Variants in ZFHX3 observed in about 807,000 individuals in gnomAD.
The protein encoded by ZFHX3 is zinc finger homeobox 3, also known as zinc finger homeobox protein 3.
A neutral mutation model predicts 279.1 loss-of-function variants in ZFHX3; 42 were observed. The observed-to-expected ratio is 0.15, with a 90% CI of 0.12 to 0.19. ZFHX3 has a LOEUF of 0.19. Ranked by LOEUF, ZFHX3 falls within the 10% of genes least tolerant of loss-of-function variation. ZFHX3 has a pLI of 1.00. For missense variants in ZFHX3, 4,981 were observed against 4,754.0 expected (o/e 1.05, Z -1.40); for synonymous variants, 2,293 against 1,957.8 (o/e 1.17, Z -4.52).
intron 2 of ZFHX3, among the ~76,000 whole-genome samples, chr16:73,518,347 C>T (rs931362165): frequency 6.6e-6 from 1 of 152,230 alleles, no homozygotes; most frequent in Non-Finnish European, 1.5e-5. Flanking sequence ...ACATATACAA[C>T]TAGGATTTAC....
At chr16:72,810,880 T>C (rs575290125) in intron 7 of ZFHX3, among the ~76,000 whole-genome samples, 17 of 152,082 alleles carry the variant, frequency 1.1e-4, no homozygotes, top group Non-Finnish European at 1.8e-4. Context: ...AAAAATTTTT[T>C]TTTCTTTCTT....
intron 2 of ZFHX3, among the ~76,000 whole-genome samples, chr16:73,517,032 CT>C (rs769605746): frequency 6.6e-6 from 1 of 151,996 alleles, no homozygotes; most frequent in Non-Finnish European, 1.5e-5. Flanking sequence ...CTTTCAACTT[CT>C]GCCTGCTAGC....
intron 3 of ZFHX3, among the ~76,000 whole-genome samples, chr16:73,433,017 G>A (rs1050658547): frequency 1.5e-4 from 23 of 152,204 alleles, no homozygotes; most frequent in African/African-American, 4.8e-5. Flanking sequence ...CCAAGCCACA[G>A]GAGGGAGAGG....
At chr16:72,910,425 T>A (rs543602302) in intron 3 of ZFHX3, among the ~76,000 whole-genome samples, 1 of 152,196 alleles carries the variant, frequency 6.6e-6, no homozygotes, top group Non-Finnish European at 1.5e-5. Flanking sequence ...TCCTGACATC[T>A]AAGAACAAGT....
intron 3 of ZFHX3, among the ~76,000 whole-genome samples, chr16:72,931,920 T>A (rs1959832098): frequency 6.6e-6 from 1 of 152,210 alleles, no homozygotes; most frequent in South Asian, 2.1e-4. Context: ...GGTTACAAAA[T>A]GTAAACAGAT....
intron 2 of ZFHX3, among the ~76,000 whole-genome samples, chr16:73,672,286 A>T (rs1210113795): frequency 1.3e-5 from 2 of 152,204 alleles, no homozygotes; most frequent in Admixed American, 1.3e-4. Context: ...ACAAGGCAAG[A>T]TATACAAAAC....
chr16:73,223,003 C>T (rs534129764), intron 5 of ZFHX3, among the ~76,000 whole-genome samples: 1 of 152,088 alleles, frequency 6.6e-6, no homozygotes, highest in African/African-American at 2.4e-5. Context: ...GGTGGAACAA[C>T]TGGACATCCA....
intron 1 of ZFHX3, among the ~76,000 whole-genome samples, chr16:73,705,947 G>T (rs1316688434): frequency 2.6e-5 from 4 of 152,028 alleles, no homozygotes; most frequent in Non-Finnish European, 4.4e-5. Flanking sequence ...AGAGACTCTT[G>T]TAAGGGCCTC....
chr16:73,069,471 C>T (rs1597146572), intron 8 of ZFHX3, among the ~76,000 whole-genome samples: 1 of 152,140 alleles, frequency 6.6e-6, no homozygotes, highest in African/African-American at 2.4e-5. Context: ...TCTACAGAAT[C>T]GTGCACACCC....
At chr16:73,268,938 T>A (rs958034909) in intron 4 of ZFHX3, among the ~76,000 whole-genome samples, 2 of 152,188 alleles carry the variant, frequency 1.3e-5, no homozygotes. Context: ...AAGCTTGGTC[T>A]ACAGCAGTGC....
intron 2 of ZFHX3, among the ~76,000 whole-genome samples, chr16:73,676,040 G>T (rs8051350): frequency 1.3e-5 from 2 of 151,996 alleles, no homozygotes; most frequent in Admixed American, 1.3e-4. Flanking sequence ...TTATCTAAAG[G>T]CATACTCAAA....
At chr16:73,194,949 A>C (rs1054917879) in intron 5 of ZFHX3, among the ~76,000 whole-genome samples, 1 of 152,210 alleles carries the variant, frequency 6.6e-6, no homozygotes, top group African/African-American at 2.4e-5. Context: ...CAAGAACCTG[A>C]ATCAAAAAAC....
rs76667375 is a variant in ZFHX3, at chr16:72,960,543, C to G, written c.-49-349G>C. 2.3e-3 allele frequency among the ~76,000 whole-genome samples: 351 copies of G among 152,222 alleles called. 1 individual carries two copies. Among genetic ancestry groups the G allele is most frequent in the African/African-American group, 8.2e-3 (340 of 41,556 alleles). On this transcript the variant is annotated intron_variant, in intron 1 of 9. Coordinates refer to ENST00000268489, the MANE Select transcript of ZFHX3 (RefSeq NM_006885.4). ...GATGGGCCACAGTGGAGAACGGACGCGTCATCTCTCCAGCCCTCTACGAGG... is the reference window on the plus strand; with the variant it reads ...GATGGGCCACAGTGGAGAACGGACGGGTCATCTCTCCAGCCCTCTACGAGG...
intron 5 of ZFHX3, among the ~76,000 whole-genome samples, chr16:72,821,064 A>T (rs2036778935): frequency 6.6e-6 from 1 of 152,242 alleles, no homozygotes; most frequent in Admixed American, 6.5e-5. Context: ...ACTAAATTTT[A>T]AGAGTGAAAG....
chr16:73,735,281 C>T (rs1457089955), intron 1 of ZFHX3, among the ~76,000 whole-genome samples: 6 of 149,078 alleles, frequency 4.0e-5, no homozygotes. Context: ...GGTTATGAGT[C>T]AACTATAAGG....
intron 1 of ZFHX3, among the ~76,000 whole-genome samples, chr16:73,738,398 C>A (rs564287860): frequency 2.6e-5 from 4 of 152,128 alleles, no homozygotes; most frequent in African/African-American, 9.7e-5. Flanking sequence ...AAGCCTGACA[C>A]TGAAGGATCA....
rs534942742 is a variant in ZFHX3 at position 72,860,035 on chromosome 16, G to A, written c.3448+29696C>T. Among the ~76,000 whole-genome samples the A allele has an allele frequency of 1.2e-3, 181 of 152,144 alleles. 2 individuals are homozygous for A. The highest frequency in any genetic ancestry group is 2.1e-3 in the Non-Finnish European group (142 of 68,032). On this transcript the variant is annotated intron_variant, in intron 4 of 9. Coordinates refer to ENST00000268489, the MANE Select transcript of ZFHX3 (RefSeq NM_006885.4). ...GCGAGTTCTTATTTCCGTGCCCCTC[G>A]ACATGGTGGACGTTTGCAGCTCCTA...
At chr16:73,717,612 T>C (rs1251574019) in intron 1 of ZFHX3, among the ~76,000 whole-genome samples, 1 of 152,202 alleles carries the variant, frequency 6.6e-6, no homozygotes, top group African/African-American at 2.4e-5. Flanking sequence ...GGTGAGCTCT[T>C]CAAGCAGGTT....
At chr16:73,844,782 G>A (rs1269577465) in intron 1 of ZFHX3, among the ~76,000 whole-genome samples, 1 of 151,738 alleles carries the variant, frequency 6.6e-6, no homozygotes, top group Non-Finnish European at 1.5e-5. Context: ...ACAATACAGA[G>A]ATTAGTAGAC....
Sources: gnomAD v4.1 joint callset for allele counts (sites outside exome capture counted in the v4.1 genomes callset) on GRCh38, gnomAD v4.1.1 for gene constraint, MANE v1.5 for transcripts, NCBI Gene and HGNC (gene_info 2026-07-23, HGNC 2026-07-21) for gene names.